The following HSPBAP1 variants were observed in gnomAD, a reference collection of about 807,000 sequenced individuals.
HSPBAP1 encodes the protein HSPB1 associated protein 1, also known as HSPB1-associated protein 1.
Under a neutral mutation model 45.2 loss-of-function variants are expected in HSPBAP1, and 27 were observed. The observed-to-expected ratio is 0.60, with a 90% confidence interval of 0.44 to 0.82. HSPBAP1 has a LOEUF of 0.82. HSPBAP1 is among the 40% of genes least tolerant of loss of function. HSPBAP1 has a pLI of 0.00. For missense variants in HSPBAP1, 510 were observed against 590.9 expected, an observed-to-expected ratio of 0.86 and a Z score of 1.42; for synonymous variants, 204 against 202.7, an observed-to-expected ratio of 1.01 and a Z score of -0.06.
At chr3:122,763,226 T>A (rs1210254031) in intron 3 of HSPBAP1, among the ~76,000 whole-genome samples, 1 of 152,202 alleles carries the variant, frequency 6.6e-6, no homozygotes, top group Non-Finnish European at 1.5e-5. Flanking sequence ...ATTCTAGAAC[T>A]GCCAAACTAA....
At chr3:122,753,970 A>C in intron 5 of HSPBAP1, 1 of 841,532 alleles carries the variant, frequency 1.2e-6, no homozygotes, top group Middle Eastern at 6.1e-4. Flanking sequence ...AAATAATGAT[A>C]AAAAAGCAAA....
intron 5 of HSPBAP1, chr3:122,753,180 G>T (rs1560118316): frequency 6.2e-6 from 1 of 161,166 alleles, no homozygotes; most frequent in Non-Finnish European, 9.1e-6. Context: ...AACTAGGGAG[G>T]TCAGGGGCAA....
chr3:122,787,138 T>A (rs1022073762), intron 1 of HSPBAP1, among the ~76,000 whole-genome samples: 2 of 152,176 alleles, frequency 1.3e-5, no homozygotes, highest in African/African-American at 2.4e-5. Flanking sequence ...AAAAACAGAT[T>A]AGTGATCTGG....
Position 122,740,823 on chromosome 3 carries a change from G to C in HSPBAP1, c.989C>G (p.Ser330Cys). 6.2e-7 allele frequency: 1 copy of C among 1,614,128 alleles called. No homozygotes were observed. The highest frequency in any genetic ancestry group is 8.5e-7 in the Non-Finnish European group (1 of 1,180,042). The change falls in exon 8 of 8, where the codon TCT becomes TGT. Residue 330 changes from serine (S) to cysteine (C), a missense_variant. By Grantham distance (112) the Ser-to-Cys change is moderately radical. Transcript: ENST00000306103. ...VNCCYLNAAV[S>C]AFFDRCRTSE... is the part of the protein sequence containing the mutation. ...TGTTCTGCAGCGATCAAAAAATGCA[G>C]AAACAGCTGCATTTAAGTAGCAACA...
At chr3:122,744,597 G>A (rs1201524924) in intron 6 of HSPBAP1, among the ~76,000 whole-genome samples, 1 of 152,208 alleles carries the variant, frequency 6.6e-6, no homozygotes, top group African/African-American at 2.4e-5. Context: ...TGGAGGTCTG[G>A]TTTGGTGAAG....
In HSPBAP1 at chr3:122,755,437, T is replaced by TTAAAAA; in HGVS notation, c.570-7_570-6insTTTTTA. Reference sequence around the variant, plus strand: ...GAAAGAGATGCCATCGTTTCCTAATTAAAAAAAAAAAAAAAAGATACAAGT... The same window carrying TTAAAAA: ...GAAAGAGATGCCATCGTTTCCTAATTTAAAAAAAAAAAAAAAAAAAAAGATACAAGT... On this transcript the variant is annotated splice_polypyrimidine_tract_variant and splice_region_variant and intron_variant, in intron 4 of 7. Transcript: ENST00000306103. The TTAAAAA allele has an allele frequency of 8.4e-7, 1 of 1,184,352 alleles. No homozygotes were observed. Among genetic ancestry groups the TTAAAAA allele is most frequent in the Non-Finnish European group, 1.1e-6 (1 of 906,356 alleles). The allele number at this position is 1,184,352 out of a possible 1,614,324, so 73.4% of individuals were successfully genotyped here.
At chr3:122,771,108 A>G (rs1934977537) in intron 2 of HSPBAP1, among the ~76,000 whole-genome samples, 1 of 152,276 alleles carries the variant, frequency 6.6e-6, no homozygotes, top group Admixed American at 6.5e-5. Flanking sequence ...GTTAAAACTA[A>G]AAATGTAAAA....
intron 3 of HSPBAP1, among the ~76,000 whole-genome samples, chr3:122,759,823 G>C (rs747330658): frequency 6.6e-6 from 1 of 152,204 alleles, no homozygotes; most frequent in Non-Finnish European, 1.5e-5. Context: ...TCAGAAAGCC[G>C]TATTTCCTCT....
intron 6 of HSPBAP1, 187 bp from the exon 7 acceptor site, chr3:122,741,300 G>T: frequency 1.7e-6 from 1 of 583,104 alleles, no homozygotes; most frequent in South Asian, 2.2e-5. Flanking sequence ...TAGAAGAGCT[G>T]CAGAATATTT....
chr3:122,770,471 G>A (rs895733713), intron 2 of HSPBAP1, among the ~76,000 whole-genome samples: 9 of 152,148 alleles, frequency 5.9e-5, no homozygotes, highest in African/African-American at 2.2e-4. Context: ...GGCCGAGGTG[G>A]GAGGACTACT....
intron 6 of HSPBAP1, among the ~76,000 whole-genome samples, chr3:122,745,204 T>C (rs1385303553): frequency 6.6e-6 from 1 of 151,292 alleles, no homozygotes; most frequent in Non-Finnish European, 1.5e-5. Flanking sequence ...GCAAACAAAT[T>C]AGAAAGGAAG....
rs540650746 is a variant in HSPBAP1, at chr3:122,747,303, C to T, written c.825+5288G>A. Among the ~76,000 whole-genome samples the T allele has an allele frequency of 2.6e-5, 4 of 152,224 alleles. No homozygotes were observed. In the South Asian group the frequency reaches 8.3e-4, roughly 32 times the overall value. On this transcript the variant is annotated intron_variant, in intron 6 of 7. Coordinates refer to ENST00000306103, the MANE Select transcript of HSPBAP1 (RefSeq NM_024610.6). ...AGATGTGGGGAGCGCCTCTGCCCGG[C>T]CGCGACCCCATCTAGGAAGTGAGGA...
intron 2 of HSPBAP1, among the ~76,000 whole-genome samples, chr3:122,770,739 A>C (rs556875702): frequency 6.6e-6 from 1 of 152,222 alleles, no homozygotes; most frequent in South Asian, 2.1e-4. Flanking sequence ...AAAATTATCA[A>C]CTTCATCAAA....
chr3:122,756,964 C>T (rs373373169), intron 4 of HSPBAP1, among the ~76,000 whole-genome samples: 2 of 152,108 alleles, frequency 1.3e-5, no homozygotes, highest in Admixed American at 1.3e-4. Context: ...GGCAGAAAGA[C>T]TCAGAGCTTG....
chr3:122,768,687 A>C lies in HSPBAP1; in HGVS notation c.432+14T>G. ...CAAATTCCTACCAAGATTAGAAGGA[A>C]GGTTCTGACTTACCTGGAAAAGATC... On this transcript the variant is annotated intron_variant, in intron 3 of 7. Transcript: ENST00000306103. 1 of 1,568,700 alleles carries C rather than the reference A, an allele frequency of 6.4e-7. No individual in the cohort carries two copies. The highest frequency in any genetic ancestry group is 1.1e-5 in the South Asian group (1 of 89,474).
chr3:122,749,065 ATATT>A (rs1291097263), intron 6 of HSPBAP1, among the ~76,000 whole-genome samples: 1 of 151,942 alleles, frequency 6.6e-6, no homozygotes, highest in Admixed American at 6.6e-5. Flanking sequence ...AAGTAAAGAC[ATATT>A]TATATGCTTA....
intron 1 of HSPBAP1, among the ~76,000 whole-genome samples, chr3:122,783,692 T>C (rs1935564255): frequency 6.6e-6 from 1 of 152,226 alleles, no homozygotes; most frequent in Non-Finnish European, 1.5e-5. Flanking sequence ...GTTGGGTGAC[T>C]GCAGTTAATT....
Position 122,793,802 on chromosome 3 carries a change from CCCGGCTCCTACGGAAACGCCGGCTCTCA to C in HSPBAP1, c.-150_-123del. The C allele has an allele frequency of 1.2e-6, 1 of 815,600 alleles. No homozygotes were observed. Among genetic ancestry groups the C allele is most frequent in the South Asian group, 1.6e-5 (1 of 62,584 alleles). 50.5% of individuals were successfully genotyped at this position (815,600 alleles called of 1,614,324 possible). ...CAGGAAGGAGCCCCGGCGACTCCCG[CCCGGCTCCTACGGAAACGCCGGCTCTCA>C]CGTGGAGGTCACGTGACGGATGCTG... On this transcript the variant is annotated 5_prime_UTR_variant, in exon 1 of 8. Transcript: ENST00000306103.
chr3:122,771,929 C>T (rs144936652), intron 2 of HSPBAP1, among the ~76,000 whole-genome samples: 12 of 152,200 alleles, frequency 7.9e-5, no homozygotes, highest in African/African-American at 2.9e-4. Context: ...AATCATATGC[C>T]TGTCTAACTA....
Sources: allele counts gnomAD v4.1 joint callset (sites outside exome capture counted in the v4.1 genomes callset), GRCh38; gene constraint gnomAD v4.1.1; transcripts MANE v1.5; gene names NCBI Gene and HGNC (gene_info 2026-07-23, HGNC 2026-07-21).